SIN3A: variants seen among roughly 807,000 people sequenced by gnomAD.
SIN3A encodes the protein SIN3 transcription regulator family member A, also known as paired amphipathic helix protein Sin3a.
SIN3A carries 14 observed loss-of-function variants against 146.1 expected under a neutral mutation model. That is an observed-to-expected ratio of 0.10 (90% CI 0.06 to 0.15). The LOEUF (loss-of-function observed/expected upper bound fraction) is 0.15, where lower values mean the gene tolerates loss of function less well. Ranked by LOEUF, SIN3A falls within the 10% of genes least tolerant of loss-of-function variation. SIN3A has a pLI of 1.00. For missense variants in SIN3A, 1,028 were observed against 1,576.0 expected (o/e 0.65, Z 5.89); for synonymous variants, 572 against 572.0 (o/e 1.00, Z 0.00).
At chr15:75,421,361 T>C (rs1299672308) in intron 3 of SIN3A, 1 of 152,212 alleles carries the variant, frequency 6.6e-6, no homozygotes, top group Non-Finnish European at 1.5e-5. Context: ...AGAGTGAAGC[T>C]TCAGGCCTAA....
Position 75,401,884 on chromosome 15 carries a change from A to G in SIN3A, c.1494T>C (p.Ala498=). Residue 498 remains alanine, a synonymous_variant, in exon 10 of 21, where the codon GCT becomes GCC. Coordinates refer to ENST00000394947, the MANE Select transcript of SIN3A (RefSeq NM_001145358.2). ...AAGGAGAGACTAGTTGCACAAGCTCAGCACGAGAGATCACCTCCTGGTTAA... is the reference window on the plus strand; with the variant it reads ...AAGGAGAGACTAGTTGCACAAGCTCGGCACGAGAGATCACCTCCTGGTTAA... The part of the protein sequence containing the change: ...VIFNQEVISR[A]ELVQLVSPFL... The G allele has an allele frequency of 6.2e-7, 1 of 1,613,588 alleles. No homozygotes were observed. The highest frequency in any genetic ancestry group is 8.5e-7 in the Non-Finnish European group (1 of 1,179,470).
intron 8 of SIN3A, 140 bp from the exon 9 acceptor site, chr15:75,407,284 C>A: frequency 1.7e-6 from 1 of 587,426 alleles, no homozygotes. Context: ...CTAACCAACT[C>A]ACTCCATACC....
At chr15:75,382,854 G>C (rs1321083958) in intron 17 of SIN3A, among the ~76,000 whole-genome samples, 1 of 152,102 alleles carries the variant, frequency 6.6e-6, no homozygotes, top group African/African-American at 2.4e-5. Context: ...AGGCCAAGGA[G>C]GGCAGATCAC....
At chr15:75,416,679 G>A (rs1425970541) in intron 3 of SIN3A, among the ~76,000 whole-genome samples, 2 of 152,134 alleles carry the variant, frequency 1.3e-5, no homozygotes, top group Non-Finnish European at 2.9e-5. Flanking sequence ...CACCTTGTGG[G>A]ATGGAAAAAC....
Position 75,396,573 on chromosome 15 carries a change from T to C in SIN3A, c.1855-77A>G, listed in dbSNP as rs563106731. 199 of 1,072,902 alleles carry C rather than the reference T, an allele frequency of 1.9e-4. 2 individuals are homozygous for C. In the South Asian group the frequency reaches 2.8e-3, roughly 15 times the overall value. The allele number at this position is 1,072,902 out of a possible 1,614,324, so 66.5% of individuals were successfully genotyped here. ...TAGAGTAGTGTTTAGAAGAATAAGG[T>C]AGGGAGTCAAACTCCTTGGATTTGA... On this transcript the variant is annotated intron_variant, in intron 12 of 20. Transcript: ENST00000394947.
At chr15:75,431,035 C>G (rs1017429190) in intron 1 of SIN3A, among the ~76,000 whole-genome samples, 29 of 152,296 alleles carry the variant, frequency 1.9e-4, no homozygotes, top group Admixed American at 1.7e-3. Flanking sequence ...CTCAGCCTCC[C>G]AAAGTGCTGG....
At chr15:75,451,034 AC>A (rs2074396098) in intron 1 of SIN3A, among the ~76,000 whole-genome samples, 1 of 99,396 alleles carries the variant, frequency 1.0e-5, no homozygotes, top group Non-Finnish European at 2.0e-5. Flanking sequence ...CCCCTCCCCG[AC>A]CCCAGCAGGC....
intron 8 of SIN3A, among the ~76,000 whole-genome samples, chr15:75,408,150 G>C (rs1039323946): frequency 6.6e-6 from 1 of 152,166 alleles, no homozygotes; most frequent in Non-Finnish European, 1.5e-5. Flanking sequence ...GGAGAAAGTA[G>C]GCGGAGAATT....
chr15:75,431,837 T>C (rs1353807732), intron 1 of SIN3A, among the ~76,000 whole-genome samples: 2 of 152,222 alleles, frequency 1.3e-5, no homozygotes, highest in African/African-American at 2.4e-5. Context: ...TCTGAAATCC[T>C]GTCTCAGGTT....
chr15:75,378,864 A>G (rs962060228), intron 19 of SIN3A, among the ~76,000 whole-genome samples: 16 of 147,738 alleles, frequency 1.1e-4, no homozygotes, highest in Middle Eastern at 3.6e-3. Context: ...ATTAAAAAAT[A>G]TTATTTAAGA....
chr15:75,400,289 C>A, intron 11 of SIN3A, 133 bp from the exon 12 acceptor site: 1 of 593,224 alleles, frequency 1.7e-6, no homozygotes, highest in Non-Finnish European at 3.0e-6. Context: ...TCACCTTTAG[C>A]AAGTTTACAA....
chr15:75,438,749 A>T (rs914319756), intron 1 of SIN3A, among the ~76,000 whole-genome samples: 3 of 152,168 alleles, frequency 2.0e-5, no homozygotes, highest in Admixed American at 6.5e-5. Flanking sequence ...AACAAAAAAT[A>T]AAATAAATAA....
intron 15 of SIN3A, 68 bp from the exon 16 acceptor site, chr15:75,389,889 A>C: frequency 2.0e-6 from 3 of 1,478,484 alleles, no homozygotes; most frequent in Non-Finnish European, 1.9e-6. Context: ...AGTACAGGGC[A>C]AATCCCACAG....
At chr15:75,438,661 C>G (rs1036012068) in intron 1 of SIN3A, among the ~76,000 whole-genome samples, 3 of 152,126 alleles carry the variant, frequency 2.0e-5, no homozygotes, top group African/African-American at 7.2e-5. Context: ...TGCACTCCAG[C>G]ATGGGTGATG....
At chr15:75,378,964 G>A (rs1213458755) in intron 19 of SIN3A, among the ~76,000 whole-genome samples, 6 of 151,604 alleles carry the variant, frequency 4.0e-5, no homozygotes, top group Admixed American at 3.9e-4. Context: ...GCCGTGGTGC[G>A]ATCTCCACTC....
intron 3 of SIN3A, chr15:75,419,846 A>T (rs902818709): frequency 1.3e-5 from 2 of 152,060 alleles, no homozygotes; most frequent in African/African-American, 4.8e-5. Flanking sequence ...AAAGTAAAAT[A>T]AAAGTTATAG....
At chr15:75,410,053 A>G in intron 7 of SIN3A, 62 bp from the exon 8 acceptor site, 1 of 1,605,874 alleles carries the variant, frequency 6.2e-7, no homozygotes, top group African/African-American at 1.3e-5. Context: ...TCATCTAGGA[A>G]AAGTCCCCTT....
At chr15:75,409,660 G>C (rs1209779045) in intron 8 of SIN3A, among the ~76,000 whole-genome samples, 176 bp downstream of exon 8, 5 of 152,042 alleles carry the variant, frequency 3.3e-5, no homozygotes, top group Non-Finnish European at 7.4e-5. Context: ...CCGGGAGGCA[G>C]AGGTTGCAGT....
At chr15:75,449,412 C>T (rs2141642477) in intron 1 of SIN3A, among the ~76,000 whole-genome samples, 1 of 152,294 alleles carries the variant, frequency 6.6e-6, no homozygotes, top group Non-Finnish European at 1.5e-5. Context: ...CATAAATAAA[C>T]ATTGGTTCCA....
Sources: allele counts gnomAD v4.1 joint callset (sites outside exome capture counted in the v4.1 genomes callset), GRCh38; gene constraint gnomAD v4.1.1; transcripts MANE v1.5; gene names NCBI Gene and HGNC (gene_info 2026-07-23, HGNC 2026-07-21).